EBF1: variants seen among roughly 807,000 people sequenced by gnomAD.
EBF1 encodes the protein transcription factor COE1.
Under a neutral mutation model 68.4 loss-of-function variants are expected in EBF1, and 10 were observed. The observed-to-expected ratio is 0.15, with a 90% CI of 0.09 to 0.25. The LOEUF (loss-of-function observed/expected upper bound fraction) is 0.25. Ranked by LOEUF, EBF1 falls within the 10% of genes least tolerant of loss-of-function variation. EBF1 has a pLI of 1.00. For synonymous variants in EBF1, 298 were observed against 299.8 expected (o/e 0.99, Z 0.06); for missense variants, 509 against 794.4 (o/e 0.64, Z 4.32).
intron 6 of EBF1, among the ~76,000 whole-genome samples, chr5:159,062,187 A>G (rs1421288299): frequency 6.6e-6 from 1 of 152,210 alleles, no homozygotes. Flanking sequence ...TCTTAAAATA[A>G]GGGAGAACTT....
At chr5:158,699,276 C>A in intron 15 of EBF1, 134 bp from the exon 16 acceptor site, 1 of 806,478 alleles carries the variant, frequency 1.2e-6, no homozygotes, top group Non-Finnish European at 1.9e-6. Context: ...AATTTGCTCT[C>A]ATCTTCTCTG....
intron 8 of EBF1, among the ~76,000 whole-genome samples, chr5:158,797,991 C>G (rs1033336462): frequency 6.6e-6 from 1 of 151,848 alleles, no homozygotes; most frequent in African/African-American, 2.4e-5. Flanking sequence ...ACAAAAGTGA[C>G]CTTTAAAAGT....
chr5:159,079,938 G>A (rs891909640), intron 5 of EBF1, among the ~76,000 whole-genome samples: 1 of 151,920 alleles, frequency 6.6e-6, no homozygotes, highest in Non-Finnish European at 1.5e-5. Context: ...TCTATGCTCT[G>A]TATGCTCAAG....
chr5:159,020,987 C>T (rs930723200), intron 6 of EBF1, among the ~76,000 whole-genome samples: 3 of 152,162 alleles, frequency 2.0e-5, no homozygotes, highest in African/African-American at 7.2e-5. Context: ...ACCTTCTGAC[C>T]CTTGACCTCT....
chr5:158,956,951 G>A (rs1213374074), intron 6 of EBF1, among the ~76,000 whole-genome samples: 2 of 151,990 alleles, frequency 1.3e-5, no homozygotes, highest in Non-Finnish European at 2.9e-5. Context: ...GTAGAGACCG[G>A]GTTTCACCGT....
At chr5:158,840,667 T>G (rs1562086515) in intron 6 of EBF1, among the ~76,000 whole-genome samples, 159 of 80,134 alleles carry the variant, frequency 2.0e-3, no homozygotes, top group East Asian at 0.019. Flanking sequence ...TTTTTTTTTT[T>G]TTTTTGTTTT....
chr5:158,908,155 T>C (rs1208322973), intron 6 of EBF1, among the ~76,000 whole-genome samples: 1 of 152,186 alleles, frequency 6.6e-6, no homozygotes, highest in Non-Finnish European at 1.5e-5. Context: ...TCTCACTATA[T>C]CCTCATCTTT....
intron 6 of EBF1, among the ~76,000 whole-genome samples, chr5:158,883,029 G>T (rs1197601225): frequency 1.3e-5 from 2 of 151,998 alleles, no homozygotes; most frequent in African/African-American, 4.8e-5. Context: ...TTATGGAAGA[G>T]GAGACAATCC....
chr5:159,086,245 G>A (rs534623918), intron 4 of EBF1, among the ~76,000 whole-genome samples: 2 of 152,002 alleles, frequency 1.3e-5, no homozygotes, highest in Non-Finnish European at 2.9e-5. Context: ...CATTTATTAA[G>A]TAAATTGCAG....
chr5:158,892,481 A>T (rs941531973), intron 6 of EBF1, among the ~76,000 whole-genome samples: 1 of 152,176 alleles, frequency 6.6e-6, no homozygotes, highest in South Asian at 2.1e-4. Context: ...GAAACAAAAA[A>T]AACCAAAGAT....
intron 6 of EBF1, among the ~76,000 whole-genome samples, chr5:158,993,133 G>A (rs1174079350): frequency 2.9e-5 from 4 of 139,496 alleles, no homozygotes; most frequent in African/African-American, 8.0e-5. Context: ...TTTCACCTCC[G>A]CCTCCTGGGC....
At chr5:158,715,862 A>G (rs1366159904) in intron 11 of EBF1, among the ~76,000 whole-genome samples, 2 of 152,232 alleles carry the variant, frequency 1.3e-5, no homozygotes, top group East Asian at 1.9e-4. Context: ...AAAACAAAAA[A>G]CAGGATCAAG....
intron 11 of EBF1, among the ~76,000 whole-genome samples, chr5:158,720,544 G>A (rs1392265592): frequency 3.3e-5 from 5 of 151,980 alleles, no homozygotes; most frequent in Admixed American, 6.6e-5. Flanking sequence ...CTTGGGCACC[G>A]TTTAGTTTCC....
intron 6 of EBF1, among the ~76,000 whole-genome samples, chr5:158,936,371 G>T (rs1441185202): frequency 6.6e-6 from 1 of 152,126 alleles, no homozygotes; most frequent in Non-Finnish European, 1.5e-5. Flanking sequence ...GTGACTTCAG[G>T]TTCAGGTTTG....
Position 158,931,334 on chromosome 5 carries a change from C to T in EBF1, c.555-91224G>A, listed in dbSNP as rs528604389. On this transcript the variant is annotated intron_variant, in intron 6 of 15. Coordinates refer to ENST00000313708, the MANE Select transcript of EBF1 (RefSeq NM_024007.5). ...CACAGATCAGGAAAAAGCAGGTGTTCGGGGGATTTTGTCAATACACTTAAC... is the reference window on the plus strand; with the variant it reads ...CACAGATCAGGAAAAAGCAGGTGTTTGGGGGATTTTGTCAATACACTTAAC... Among the ~76,000 whole-genome samples, 143 of 152,262 alleles carry T rather than the reference C, an allele frequency of 9.4e-4. 1 individual carries two copies. The highest frequency in any genetic ancestry group is 4.1e-3 in the Admixed American group (63 of 15,286).
intron 10 of EBF1, among the ~76,000 whole-genome samples, chr5:158,760,895 A>G (rs1267874959): frequency 6.6e-6 from 1 of 152,202 alleles, no homozygotes; most frequent in Non-Finnish European, 1.5e-5. Flanking sequence ...ACTAAATAAG[A>G]TGCAGTATCT....
At chr5:159,008,629 G>A (rs1008630520) in intron 6 of EBF1, among the ~76,000 whole-genome samples, 5 of 144,964 alleles carry the variant, frequency 3.4e-5, no homozygotes, top group South Asian at 2.2e-4. Flanking sequence ...GGGCTTCAAC[G>A]ATTCTCCCGC....
chr5:158,705,152 T>C (rs1441567983), intron 15 of EBF1, among the ~76,000 whole-genome samples: 1 of 152,154 alleles, frequency 6.6e-6, no homozygotes, highest in African/African-American at 2.4e-5. Context: ...GGCTAATTTT[T>C]GTATTTTTAG....
chr5:159,024,361 C>T (rs1307840488), intron 6 of EBF1, among the ~76,000 whole-genome samples: 1 of 152,194 alleles, frequency 6.6e-6, no homozygotes, highest in African/African-American at 2.4e-5. Flanking sequence ...TCTACCAGAA[C>T]CTAAGTCTTG....
Sources: allele counts gnomAD v4.1 joint callset (sites outside exome capture counted in the v4.1 genomes callset), GRCh38; gene constraint gnomAD v4.1.1; transcripts MANE v1.5; gene names NCBI Gene and HGNC (gene_info 2026-07-23, HGNC 2026-07-21).